The following RNGTT variants were observed in gnomAD, a reference collection of about 807,000 sequenced individuals.
RNGTT encodes the protein mRNA-capping enzyme.
RNGTT carries 33 observed loss-of-function variants against 79.3 expected under a neutral mutation model. The ratio of observed to expected loss-of-function variants is 0.42; its 90% confidence interval spans 0.32 to 0.56. The LOEUF is 0.56. Ranked by LOEUF, RNGTT falls within the 20% of genes least tolerant of loss-of-function variation. RNGTT has a pLI of 0.17. For synonymous variants in RNGTT, 222 were observed against 235.9 expected, an observed-to-expected ratio of 0.94 and a Z score of 0.54; for missense variants, 497 against 739.1, an observed-to-expected ratio of 0.67 and a Z score of 3.80.
intron 11 of RNGTT, among the ~76,000 whole-genome samples, chr6:88,835,975 AACACACACACACACACACACAC>A (rs72228554): frequency 7.9e-5 from 9 of 113,764 alleles, no homozygotes; most frequent in East Asian, 2.4e-4. Flanking sequence ...CTCTATTAAA[AACACACACACACACACACACAC>A]ACACACACAC....
At chr6:88,657,828 C>A (rs1408794222) in intron 14 of RNGTT, among the ~76,000 whole-genome samples, 10 of 152,168 alleles carry the variant, frequency 6.6e-5, no homozygotes, top group Admixed American at 6.5e-4. Flanking sequence ...GCAGCAGAGG[C>A]AGCCATAATT....
chr6:88,866,184 C>T (rs1485919144), intron 8 of RNGTT, among the ~76,000 whole-genome samples: 6 of 152,086 alleles, frequency 3.9e-5, no homozygotes, highest in African/African-American at 9.7e-5. Flanking sequence ...CTGCCACTTC[C>T]GTGGGATAGA....
At chr6:88,894,508 T>G (rs1783162606) in intron 6 of RNGTT, among the ~76,000 whole-genome samples, 1 of 152,162 alleles carries the variant, frequency 6.6e-6, no homozygotes, top group African/African-American at 2.4e-5. Context: ...AACAGCTTAG[T>G]TTTCCATTGT....
chr6:88,919,432 T>G (rs1784095161), intron 4 of RNGTT, among the ~76,000 whole-genome samples: 1 of 152,172 alleles, frequency 6.6e-6, no homozygotes, highest in Non-Finnish European at 1.5e-5. Flanking sequence ...TGGGGCAGTT[T>G]ATAAAGGGGC....
At chr6:88,827,286 G>T (rs1373331282) in intron 11 of RNGTT, among the ~76,000 whole-genome samples, 1 of 152,150 alleles carries the variant, frequency 6.6e-6, no homozygotes, top group African/African-American at 2.4e-5. Context: ...AAGCACAAGG[G>T]GTTTGGGCAC....
chr6:88,917,453 A>G (rs80063928), intron 4 of RNGTT, among the ~76,000 whole-genome samples: 2,855 of 152,322 alleles, frequency 0.019, 80 homozygotes, highest in African/African-American at 0.065. Flanking sequence ...CTGTGGTAAG[A>G]AATGCCAAAT....
At chr6:88,754,012 C>T (rs1366487203) in intron 13 of RNGTT, among the ~76,000 whole-genome samples, 4 of 152,070 alleles carry the variant, frequency 2.6e-5, no homozygotes, top group African/African-American at 4.8e-5. Context: ...TTGTTCAGAA[C>T]ATTCTTGTCA....
intron 14 of RNGTT, among the ~76,000 whole-genome samples, chr6:88,665,732 T>C (rs1466275494): frequency 2.0e-5 from 3 of 152,140 alleles, no homozygotes; most frequent in African/African-American, 7.2e-5. Context: ...CCCACCATCT[T>C]TGGGGAGGCA....
intron 1 of RNGTT, among the ~76,000 whole-genome samples, chr6:88,945,855 T>C (rs961394333): frequency 6.6e-6 from 1 of 152,154 alleles, no homozygotes; most frequent in African/African-American, 2.4e-5. Context: ...CTCCTCCCCT[T>C]TCATAGCAAC....
At chr6:88,960,537 C>T (rs1785580864) in intron 1 of RNGTT, among the ~76,000 whole-genome samples, 1 of 152,080 alleles carries the variant, frequency 6.6e-6, no homozygotes, top group Admixed American at 6.5e-5. Flanking sequence ...AGTTGGAGAC[C>T]AGCCTGGCCA....
chr6:88,691,869 CA>C (rs1775494879), intron 13 of RNGTT, among the ~76,000 whole-genome samples: 1 of 152,066 alleles, frequency 6.6e-6, no homozygotes, highest in African/African-American at 2.4e-5. Context: ...GATATATTAA[CA>C]TATTTTAATA....
At chr6:88,950,798 T>C (rs968710738) in intron 1 of RNGTT, among the ~76,000 whole-genome samples, 45 of 152,134 alleles carry the variant, frequency 3.0e-4, no homozygotes, top group African/African-American at 1.0e-3. Flanking sequence ...TGCCATTGCA[T>C]TCCAACCTGG....
intron 13 of RNGTT, among the ~76,000 whole-genome samples, chr6:88,763,676 A>G (rs1778346501): frequency 6.6e-6 from 1 of 152,218 alleles, no homozygotes; most frequent in South Asian, 2.1e-4. Flanking sequence ...CATCTTGCTA[A>G]GACACATGTA....
chr6:88,932,856 G>C (rs1784552612), intron 2 of RNGTT, among the ~76,000 whole-genome samples: 1 of 152,156 alleles, frequency 6.6e-6, no homozygotes, highest in South Asian at 2.1e-4. Flanking sequence ...CTAAAAAAAA[G>C]TAATAGTAAA....
intron 14 of RNGTT, among the ~76,000 whole-genome samples, chr6:88,654,489 G>T (rs1773906813): frequency 6.6e-6 from 1 of 152,164 alleles, no homozygotes. Context: ...GAGTAGATGT[G>T]CAAGGCTCCC....
At chr6:88,695,250 G>GT (rs1343867166) in intron 13 of RNGTT, among the ~76,000 whole-genome samples, 14 of 152,186 alleles carry the variant, frequency 9.2e-5, no homozygotes, top group Non-Finnish European at 1.8e-4. Context: ...GAAAATATCT[G>GT]TAAGCGAGAC....
intron 13 of RNGTT, among the ~76,000 whole-genome samples, chr6:88,679,684 A>T (rs531405432): frequency 3.3e-5 from 5 of 152,350 alleles, no homozygotes; most frequent in African/African-American, 9.6e-5. Context: ...TTGAGAATGA[A>T]GAAATACTAT....
intron 12 of RNGTT, among the ~76,000 whole-genome samples, chr6:88,777,320 C>T (rs1778921600): frequency 6.6e-6 from 1 of 152,120 alleles, no homozygotes. Context: ...ATTGCTTTGG[C>T]TTTTTCAGGG....
In RNGTT at chr6:88,963,614, A is replaced by C; in HGVS notation, c.-205T>G. ...ACTCCACAGCTCCAGGAGAACCCAC[A>C]ATGCACCGCAACTTCCGCCCCCGAA... On this transcript the variant is annotated 5_prime_UTR_variant, in exon 1 of 16. The change creates a new upstream start codon in the 5' untranslated region. Transcript: ENST00000369485. 2.2e-6 allele frequency: 1 copy of C among 461,000 alleles called. No individual in the cohort carries two copies. 28.6% of individuals were successfully genotyped at this position (461,000 alleles called of 1,614,324 possible). A position where few individuals can be genotyped will look rare whatever the true frequency, so the allele number is the denominator to read the frequency against.
Sources: allele counts gnomAD v4.1 joint callset (sites outside exome capture counted in the v4.1 genomes callset), GRCh38; gene constraint gnomAD v4.1.1; transcripts MANE v1.5; gene names NCBI Gene and HGNC (gene_info 2026-07-23, HGNC 2026-07-21).